The following MTUS1 variants were observed in gnomAD, a reference collection of about 807,000 sequenced individuals.
The protein encoded by MTUS1 is microtubule associated scaffold protein 1, also known as microtubule-associated tumor suppressor 1.
A neutral mutation model predicts 120.8 loss-of-function variants in MTUS1; 109 were observed. That is an observed-to-expected ratio of 0.90 (90% CI 0.77 to 1.06). The LOEUF is 1.06. MTUS1 is among the 50% of genes least tolerant of loss of function. MTUS1 has a pLI of 0.00. For synonymous variants in MTUS1, 737 were observed against 550.5 expected (o/e 1.34, Z -4.74); for missense variants, 2,210 against 1,486.3 (o/e 1.49, Z -8.01).
chr8:17,749,170 A>G (rs2131306023), intron 2 of MTUS1, among the ~76,000 whole-genome samples: 1 of 152,288 alleles, frequency 6.6e-6, no homozygotes, highest in Middle Eastern at 3.4e-3. Context: ...ATTAACATCA[A>G]CAAAGACCTT....
rs1474370387 is a variant in MTUS1, at chr8:17,645,487, ACT to A, written c.*437_*438del. ...GAGGAGGCTGCATCAGACACATGAC[ACT>A]CTGTGACATCCATTTCATTCACACC... On this transcript the variant is annotated 3_prime_UTR_variant, in exon 15 of 15. Transcript: ENST00000693296. The A allele has an allele frequency of 1.2e-5, 2 of 165,614 alleles. No individual in the cohort carries two copies. Among genetic ancestry groups the A allele is most frequent in the African/African-American group, 4.9e-5 (2 of 40,912 alleles). The allele number at this position is 165,614 out of a possible 1,614,324, so 10.3% of individuals were successfully genotyped here. A position where few individuals can be genotyped will look rare whatever the true frequency, so the allele number is the denominator to read the frequency against.
At position 17,754,200 on chromosome 8, in the gene MTUS1, C is replaced by G. The variant is rs780021162; in HGVS notation, c.1608G>C (p.Gln536His). ...CTGATGAGGGTGATGAGGCACTGGT[C>G]TGCTGAGGTCTGGGCGTGACCTTTG... ...ALSKVTPRPQ[Q>H]TSASSPSSVN... is the part of the protein sequence containing the mutation. The change falls in exon 2 of 15, where the codon CAG (glutamine) becomes CAC (histidine). Residue 536 changes from glutamine to histidine, a missense_variant. Coordinates refer to ENST00000693296, the MANE Select transcript of MTUS1 (RefSeq NM_001363059.2). 15 of 1,613,840 alleles carry G rather than the reference C, an allele frequency of 9.3e-6. No homozygotes were observed. In the Admixed American group the frequency reaches 2.3e-4, roughly 25 times the overall value.
At chr8:17,726,419 G>C (rs765946194) in intron 3 of MTUS1, among the ~76,000 whole-genome samples, 9 of 152,162 alleles carry the variant, frequency 5.9e-5, no homozygotes, top group Non-Finnish European at 8.8e-5. Flanking sequence ...TAAGGTTCCT[G>C]AGATCAGGAA....
At chr8:17,762,873 T>C (rs1190950702) in intron 1 of MTUS1, among the ~76,000 whole-genome samples, 5 of 152,188 alleles carry the variant, frequency 3.3e-5, no homozygotes, top group East Asian at 1.9e-4. Context: ...CCAATCCTTT[T>C]GGTCCATGGG....
At chr8:17,779,562 G>A (rs2131511580) in intron 1 of MTUS1, among the ~76,000 whole-genome samples, 1 of 152,294 alleles carries the variant, frequency 6.6e-6, no homozygotes, top group Non-Finnish European at 1.5e-5. Context: ...GTTTCTAAAT[G>A]ATAATGACAC....
intron 1 of MTUS1, among the ~76,000 whole-genome samples, chr8:17,788,902 A>C (rs1016195407): frequency 1.3e-5 from 2 of 152,198 alleles, no homozygotes; most frequent in Non-Finnish European, 2.9e-5. Context: ...ACTTTTATAC[A>C]ATGAGCTGTT....
At chr8:17,657,385 G>C (rs1314502647) in intron 8 of MTUS1, among the ~76,000 whole-genome samples, 1 of 151,208 alleles carries the variant, frequency 6.6e-6, no homozygotes, top group Non-Finnish European at 1.5e-5. Context: ...CGGCTAAAAC[G>C]GTGAAACCCC....
chr8:17,751,039 G>C (rs58577175), intron 2 of MTUS1, among the ~76,000 whole-genome samples: 19 of 152,228 alleles, frequency 1.2e-4, no homozygotes, highest in African/African-American at 4.1e-4. Context: ...ACATCCGACC[G>C]GGCGCGATGG....
At chr8:17,687,845 A>G (rs1816145637) in intron 6 of MTUS1, among the ~76,000 whole-genome samples, 1 of 152,226 alleles carries the variant, frequency 6.6e-6, no homozygotes, top group Non-Finnish European at 1.5e-5. Context: ...AACTAGTGCA[A>G]TGAAGTCATG....
At chr8:17,763,133 G>A (rs1237884957) in intron 1 of MTUS1, among the ~76,000 whole-genome samples, 1 of 151,990 alleles carries the variant, frequency 6.6e-6, no homozygotes, top group Admixed American at 6.6e-5. Flanking sequence ...TGGGATTACA[G>A]GTGCCCACCA....
chr8:17,647,064 C>G lies in MTUS1; in HGVS notation c.3517G>C (p.Ala1173Pro), dbSNP rs778476186. The G allele has an allele frequency of 8.7e-6, 14 of 1,613,676 alleles. No homozygotes were observed. The South Asian group carries it at 1.4e-4, about 16-fold the overall frequency. The part of the protein sequence containing the change: ...KMEKLVDNNT[A>P]LVDKLKRFQQ... ...AAACGCTTCAATTTGTCAACCAATG[C>G]TGTGTTGTTGTCCACCTTGGCATAA... The change falls in exon 14 of 15, where the codon GCA becomes CCA. Residue 1173 changes from alanine (A) to proline (P), a missense_variant. Ala to Pro is a conservative substitution (Grantham distance 27). Coordinates refer to ENST00000693296, the MANE Select transcript of MTUS1 (RefSeq NM_001363059.2).
chr8:17,761,257 G>A (rs1465645463), intron 1 of MTUS1, among the ~76,000 whole-genome samples: 1 of 152,108 alleles, frequency 6.6e-6, no homozygotes, highest in Non-Finnish European at 1.5e-5. Flanking sequence ...CTTAGCTTAA[G>A]AAAAGTGATT....
chr8:17,701,446 T>C (rs1411736931), intron 6 of MTUS1, among the ~76,000 whole-genome samples: 1 of 152,248 alleles, frequency 6.6e-6, no homozygotes, highest in Non-Finnish European at 1.5e-5. Flanking sequence ...TGACATTGCC[T>C]TTTATTTTGC....
chr8:17,758,800 CAA>C (rs908334102), intron 1 of MTUS1, among the ~76,000 whole-genome samples: 4 of 152,210 alleles, frequency 2.6e-5, no homozygotes, highest in African/African-American at 9.6e-5. Context: ...TTTTATTACT[CAA>C]GTTTCCTCTT....
At chr8:17,684,621 C>T in intron 6 of MTUS1, 79 bp from the exon 7 acceptor site, 1 of 1,094,036 alleles carries the variant, frequency 9.1e-7, no homozygotes, top group South Asian at 1.3e-5. Flanking sequence ...TCAAAAACAA[C>T]CAGATAAGCC....
intron 4 of MTUS1, 92 bp from the exon 5 acceptor site, chr8:17,715,993 C>T (rs1563256269): frequency 1.7e-6 from 2 of 1,180,442 alleles, no homozygotes; most frequent in East Asian, 2.4e-5. Flanking sequence ...CCAACAAATG[C>T]TCAATAAGCA....
At chr8:17,670,123 G>A (rs984112318) in intron 8 of MTUS1, among the ~76,000 whole-genome samples, 3 of 152,312 alleles carry the variant, frequency 2.0e-5, no homozygotes, top group African/African-American at 7.2e-5. Context: ...AGCTTGGGTG[G>A]TAAGTGAATC....
intron 3 of MTUS1, among the ~76,000 whole-genome samples, chr8:17,733,100 C>G (rs531268643): frequency 1.5e-4 from 23 of 152,244 alleles, no homozygotes; most frequent in African/African-American, 4.8e-4. Context: ...CCCGTAATCC[C>G]AGCACTTTGG....
At chr8:17,785,934 C>T (rs547151514) in intron 1 of MTUS1, among the ~76,000 whole-genome samples, 1 of 152,286 alleles carries the variant, frequency 6.6e-6, no homozygotes, top group East Asian at 1.9e-4. Context: ...CTATTGAACC[C>T]AGTTCAAGAC....
Sources: allele counts gnomAD v4.1 joint callset (sites outside exome capture counted in the v4.1 genomes callset), GRCh38; gene constraint gnomAD v4.1.1; transcripts MANE v1.5; gene names NCBI Gene and HGNC (gene_info 2026-07-23, HGNC 2026-07-21).